Variants in FBXW7 observed in about 807,000 individuals in gnomAD.
FBXW7 encodes F-box/WD repeat-containing protein 7.
FBXW7 carries 11 observed loss-of-function variants against 86.3 expected under a neutral mutation model. The observed-to-expected ratio is 0.13, with a 90% confidence interval of 0.08 to 0.21. The LOEUF (loss-of-function observed/expected upper bound fraction) is 0.21. Ranked by LOEUF, FBXW7 falls within the 10% of genes least tolerant of loss-of-function variation. The pLI, the probability that FBXW7 is intolerant of heterozygous loss-of-function variation, is 1.00. For synonymous variants in FBXW7, 313 were observed against 297.9 expected (o/e 1.05, Z -0.52); for missense variants, 488 against 847.4 (o/e 0.58, Z 5.27).
intron 2 of FBXW7, among the ~76,000 whole-genome samples, chr4:152,515,323 A>C (rs1748380257): frequency 1.3e-5 from 2 of 152,234 alleles, no homozygotes; most frequent in Non-Finnish European, 2.9e-5. Context: ...GATTGCCTGA[A>C]GCGAGGGTGC....
At chr4:152,378,757 C>T in intron 4 of FBXW7, among the ~76,000 whole-genome samples, 1 of 152,122 alleles carries the variant, frequency 6.6e-6, no homozygotes, top group South Asian at 2.1e-4. Context: ...AGTCCCAGCA[C>T]TTTTGGAGGC....
chr4:152,467,504 CA>C (rs1314986749), intron 2 of FBXW7, among the ~76,000 whole-genome samples: 1 of 151,604 alleles, frequency 6.6e-6, no homozygotes, highest in Non-Finnish European at 1.5e-5. Context: ...TTCTTCAATC[CA>C]AAAAAAACTA....
intron 2 of FBXW7, among the ~76,000 whole-genome samples, chr4:152,503,947 A>G (rs73865455): frequency 0.091 from 13,798 of 152,188 alleles, 1,360 homozygotes; most frequent in African/African-American, 0.25. Context: ...TGGAAATGTT[A>G]AAAAAATAAA....
intron 2 of FBXW7, among the ~76,000 whole-genome samples, chr4:152,440,421 A>G (rs1740785225): frequency 6.6e-6 from 1 of 152,186 alleles, no homozygotes; most frequent in African/African-American, 2.4e-5. Flanking sequence ...ACAATAACAA[A>G]AATTGACTTC....
intron 4 of FBXW7, among the ~76,000 whole-genome samples, chr4:152,368,258 C>A (rs1733678322): frequency 6.6e-6 from 1 of 152,044 alleles, no homozygotes. Flanking sequence ...AAAAATACTG[C>A]ATTATAACAA....
chr4:152,373,738 C>T (rs945311721), intron 4 of FBXW7, among the ~76,000 whole-genome samples: 4 of 152,002 alleles, frequency 2.6e-5, no homozygotes, highest in South Asian at 2.1e-4. Context: ...GTACTTTGTA[C>T]GTAGGTCCAT....
intron 4 of FBXW7, among the ~76,000 whole-genome samples, chr4:152,390,135 C>A (rs1463066251): frequency 6.7e-6 from 1 of 150,314 alleles, no homozygotes; most frequent in Non-Finnish European, 1.5e-5. Context: ...CTCCTACCTA[C>A]TGTAGTGGTC....
chr4:152,504,449 T>C (rs1055273874), intron 2 of FBXW7, among the ~76,000 whole-genome samples: 1 of 152,196 alleles, frequency 6.6e-6, no homozygotes, highest in East Asian at 1.9e-4. Context: ...AATCTCCTTT[T>C]GAATATAATG....
intron 4 of FBXW7, among the ~76,000 whole-genome samples, chr4:152,376,745 A>ACTAAT (rs1734559846): frequency 1.3e-5 from 2 of 152,136 alleles, no homozygotes; most frequent in South Asian, 4.1e-4. Context: ...ACTGATGAGA[A>ACTAAT]TGGTACTGCA....
chr4:152,333,467 G>C (rs1368710468), intron 7 of FBXW7, among the ~76,000 whole-genome samples: 3 of 149,372 alleles, frequency 2.0e-5, no homozygotes, highest in Admixed American at 1.3e-4. Context: ...TAAATAAAAA[G>C]GAAAAATAAA....
In FBXW7 at chr4:152,484,639, A is replaced by C. The variant is rs147604871; in HGVS notation, c.-120+50302T>G. 3.4e-3 allele frequency among the ~76,000 whole-genome samples: 523 copies of C among 152,320 alleles called. 2 individuals carry two copies. The highest frequency in any genetic ancestry group is 6.8e-3 in the Middle Eastern group (2 of 294). On this transcript the variant is annotated intron_variant, in intron 2 of 13. Coordinates refer to ENST00000281708, the MANE Select transcript of FBXW7 (RefSeq NM_001349798.2). The stretch of plus-strand genomic sequence containing the variant: ...TTAAATTATTAAATGCTCAGACACA[A>C]ATTTTCCTCAGAACACAACATTTAT...
intron 2 of FBXW7, among the ~76,000 whole-genome samples, chr4:152,458,622 A>G (rs1333728203): frequency 3.9e-5 from 6 of 152,248 alleles, no homozygotes; most frequent in African/African-American, 9.6e-5. Context: ...ACATTTAAAA[A>G]TGAGAGCACA....
At chr4:152,369,364 T>G (rs1733792327) in intron 4 of FBXW7, among the ~76,000 whole-genome samples, 1 of 152,064 alleles carries the variant, frequency 6.6e-6, no homozygotes, top group Non-Finnish European at 1.5e-5. Context: ...TCCGCGCTCT[T>G]AGGCACTCTG....
chr4:152,368,851 T>C (rs1454743772), intron 4 of FBXW7, among the ~76,000 whole-genome samples: 1 of 152,102 alleles, frequency 6.6e-6, no homozygotes, highest in Non-Finnish European at 1.5e-5. Context: ...CCAAACAAAC[T>C]ACCAAGATGT....
intron 2 of FBXW7, among the ~76,000 whole-genome samples, chr4:152,483,945 C>G (rs2149674199): frequency 6.6e-6 from 1 of 152,186 alleles, no homozygotes; most frequent in South Asian, 2.1e-4. Context: ...TACTCTACAA[C>G]ATATATTTGA....
At chr4:152,426,214 T>G (rs2126932740) in intron 2 of FBXW7, among the ~76,000 whole-genome samples, 1 of 152,240 alleles carries the variant, frequency 6.6e-6, no homozygotes, top group East Asian at 1.9e-4. Context: ...TTGAGAGATG[T>G]ATGACTAAAT....
At chr4:152,434,503 CT>C (rs903033884) in intron 2 of FBXW7, among the ~76,000 whole-genome samples, 7 of 152,080 alleles carry the variant, frequency 4.6e-5, no homozygotes, top group East Asian at 1.9e-4. Flanking sequence ...AGTTTACCCC[CT>C]GTCCTAATAA....
At chr4:152,362,392 T>C (rs1733049175) in intron 4 of FBXW7, among the ~76,000 whole-genome samples, 1 of 152,198 alleles carries the variant, frequency 6.6e-6, no homozygotes, top group South Asian at 2.1e-4. Context: ...TGAACTTTAG[T>C]GTAATCTTAA....
intron 2 of FBXW7, among the ~76,000 whole-genome samples, chr4:152,415,917 T>G (rs1738386579): frequency 1.3e-5 from 2 of 152,090 alleles, no homozygotes; most frequent in South Asian, 4.1e-4. Context: ...CCATCCAACT[T>G]AAAATAATAC....
Sources: gnomAD v4.1 joint callset for allele counts (sites outside exome capture counted in the v4.1 genomes callset) on GRCh38, gnomAD v4.1.1 for gene constraint, MANE v1.5 for transcripts, NCBI Gene and HGNC (gene_info 2026-07-23, HGNC 2026-07-21) for gene names.